RNF145: variants seen among roughly 807,000 people sequenced by gnomAD.
RNF145 encodes ring finger protein 145.
A neutral mutation model predicts 57.3 loss-of-function variants in RNF145; 12 were observed. The ratio of observed to expected loss-of-function variants is 0.21; its 90% CI spans 0.13 to 0.34. The LOEUF is 0.34. RNF145 is among the 10% of genes least tolerant of loss of function. The pLI, the probability that RNF145 is intolerant of heterozygous loss-of-function variation, is 1.00. For missense variants in RNF145, 429 were observed against 799.0 expected (o/e 0.54, Z 5.58); for synonymous variants, 262 against 288.3 (o/e 0.91, Z 0.92).
At chr5:159,203,021 G>C (rs1785725193) in intron 2 of RNF145, among the ~76,000 whole-genome samples, 1 of 151,818 alleles carries the variant, frequency 6.6e-6, no homozygotes, top group Admixed American at 6.6e-5. Context: ...TTTATCTTCA[G>C]CTGATGTTAA....
chr5:159,165,115 ATTTAG>A (rs1464037754), intron 8 of RNF145, among the ~76,000 whole-genome samples: 1 of 152,062 alleles, frequency 6.6e-6, no homozygotes, highest in Non-Finnish European at 1.5e-5. Flanking sequence ...CCCTCCTTTT[ATTTAG>A]TCAGTAATCT....
chr5:159,200,130 C>T lies in RNF145; in HGVS notation c.184+3304G>A, dbSNP rs75459817. 3.7e-3 allele frequency among the ~76,000 whole-genome samples: 556 copies of T among 152,172 alleles called. 3 individuals are homozygous for T. The highest frequency in any genetic ancestry group is 0.013 in the African/African-American group (537 of 41,516). On this transcript the variant is annotated intron_variant, in intron 2 of 10. Transcript: ENST00000424310. ...ACACAGCAAGAACCCATCCTCCCCACCTGCCCCCAAAATTAGTAATAATGC... is the reference window on the plus strand; with the variant it reads ...ACACAGCAAGAACCCATCCTCCCCATCTGCCCCCAAAATTAGTAATAATGC...
chr5:159,189,646 T>A (rs1163635815), intron 3 of RNF145, among the ~76,000 whole-genome samples: 1 of 152,116 alleles, frequency 6.6e-6, no homozygotes, highest in African/African-American at 2.4e-5. Flanking sequence ...TGTACATGAA[T>A]TGTCATAACA....
At chr5:159,165,591 G>A (rs1462535325) in intron 8 of RNF145, among the ~76,000 whole-genome samples, 1 of 40,754 alleles carries the variant, frequency 2.5e-5, no homozygotes, top group South Asian at 1.3e-3. Context: ...GCTGAGGCAG[G>A]AGAATGGCGT....
At chr5:159,209,632 G>C, upstream of RNF145, 2 of 1,063,098 alleles carry the variant, frequency 1.9e-6, no homozygotes, top group Non-Finnish European at 1.2e-6. Flanking sequence ...GCGCGCGCCC[G>C]CGCTCACTCA....
At chr5:159,171,528 C>G (rs1784558519) in intron 6 of RNF145, among the ~76,000 whole-genome samples, 1 of 152,024 alleles carries the variant, frequency 6.6e-6, no homozygotes, top group South Asian at 2.1e-4. Context: ...AGATTTCGAC[C>G]TAGCTTTGGG....
intron 9 of RNF145, 133 bp from the exon 10 acceptor site, chr5:159,161,755 G>GT (rs2113076496): frequency 5.4e-6 from 3 of 550,596 alleles, no homozygotes; most frequent in South Asian, 6.1e-5. Context: ...AGTATCCAGG[G>GT]GAAAAAAAAG....
intron 6 of RNF145, among the ~76,000 whole-genome samples, chr5:159,173,641 T>C (rs1208820205): frequency 6.6e-6 from 1 of 152,222 alleles, no homozygotes; most frequent in Non-Finnish European, 1.5e-5. Context: ...GTATGGTACA[T>C]TTTAAATACT....
chr5:159,209,922 G>A (rs780975879), upstream of RNF145: 14 of 1,535,318 alleles, frequency 9.1e-6, no homozygotes, highest in East Asian at 2.9e-4. Flanking sequence ...GCAATGATGC[G>A]AGAATTCGTT....
intron 9 of RNF145, among the ~76,000 whole-genome samples, chr5:159,162,445 T>TG (rs1554142402): frequency 1.9e-4 from 26 of 134,066 alleles, no homozygotes; most frequent in African/African-American, 7.0e-4. Context: ...TTTTTTTTTT[T>TG]GAGACGGAGT....
intron 2 of RNF145, among the ~76,000 whole-genome samples, chr5:159,195,814 C>T (rs1424274462): frequency 2.6e-5 from 4 of 152,164 alleles, no homozygotes; most frequent in African/African-American, 9.7e-5. Context: ...ATTATACAGG[C>T]AAAAACATAT....
At chr5:159,177,795 TA>T (rs1447049994) in intron 4 of RNF145, among the ~76,000 whole-genome samples, 1 of 152,054 alleles carries the variant, frequency 6.6e-6, no homozygotes, top group African/African-American at 2.4e-5. Context: ...ATAGTGAGTA[TA>T]ATTTAGAGAT....
intron 3 of RNF145, among the ~76,000 whole-genome samples, chr5:159,193,021 G>GC (rs1309405934): frequency 6.6e-6 from 1 of 152,070 alleles, no homozygotes; most frequent in Non-Finnish European, 1.5e-5. Context: ...GAACAGAGGT[G>GC]TGGGGGCTGG....
chr5:159,168,729 CAT>C (rs1784459462), intron 8 of RNF145, 142 bp downstream of exon 8: 2 of 462,416 alleles, frequency 4.3e-6, no homozygotes, highest in East Asian at 7.2e-5. Flanking sequence ...AAAATAAAAA[CAT>C]AAACTTGTTG....
intron 8 of RNF145, among the ~76,000 whole-genome samples, chr5:159,167,743 TAAG>T (rs1784433131): frequency 1.3e-5 from 2 of 152,174 alleles, no homozygotes; most frequent in South Asian, 4.1e-4. Flanking sequence ...CTATGATGAT[TAAG>T]AAGATCTGAA....
intron 8 of RNF145, 147 bp from the exon 9 acceptor site, chr5:159,163,226 T>C: frequency 4.3e-6 from 3 of 702,534 alleles, no homozygotes; most frequent in Admixed American, 6.3e-5. Context: ...TGTACTAGAG[T>C]TCAGACCAAG....
intron 3 of RNF145, among the ~76,000 whole-genome samples, chr5:159,192,630 T>C (rs1421207712): frequency 6.6e-6 from 1 of 152,190 alleles, no homozygotes; most frequent in Admixed American, 6.5e-5. Context: ...ATTCACCAAG[T>C]ACTCACTATG....
intron 2 of RNF145, among the ~76,000 whole-genome samples, chr5:159,197,630 T>G (rs1785503693): frequency 6.6e-6 from 1 of 152,118 alleles, no homozygotes; most frequent in South Asian, 2.1e-4. Flanking sequence ...ATCTAACAAT[T>G]TAAAAAATGC....
rs750490096 is a variant in RNF145 at position 159,169,659 on chromosome 5, T to A, written c.938+20A>T. 2.6e-6 allele frequency: 4 copies of A among 1,556,034 alleles called. No homozygotes were observed. The highest frequency in any genetic ancestry group is 1.2e-5 in the South Asian group (1 of 82,826). On this transcript the variant is annotated intron_variant, in intron 7 of 10. Transcript: ENST00000424310. ...TCTATAGTATTTACATTTCTAGATA[T>A]AATCAAGGAAAGAACTTACCGATTC...
Sources: allele counts gnomAD v4.1 joint callset (sites outside exome capture counted in the v4.1 genomes callset), GRCh38; gene constraint gnomAD v4.1.1; transcripts MANE v1.5; gene names NCBI Gene and HGNC (gene_info 2026-07-23, HGNC 2026-07-21).